Variants in SLC12A8 observed in about 807,000 individuals in gnomAD.
The protein encoded by SLC12A8 is cation-chloride cotransporter 9.
Under a neutral mutation model 75.6 loss-of-function variants are expected in SLC12A8, and 69 were observed. The observed-to-expected ratio is 0.91, with a 90% confidence interval of 0.75 to 1.11. The LOEUF is 1.11. Among genes scored for constraint, SLC12A8 ranks in the 50% most tolerant of loss-of-function variants. The pLI is 0.00. For missense variants in SLC12A8, 877 were observed against 896.7 expected (o/e 0.98, Z 0.28); for synonymous variants, 365 against 372.8 (o/e 0.98, Z 0.24).
intron 5 of SLC12A8, 107 bp downstream of exon 5, chr3:125,177,636 A>C (rs1441348986): frequency 2.4e-6 from 2 of 824,984 alleles, no homozygotes; most frequent in Non-Finnish European, 3.9e-6. Context: ...ATTGTAGGTA[A>C]AGCCTATGGG....
chr3:125,146,596 G>A (rs1291437822), intron 5 of SLC12A8, among the ~76,000 whole-genome samples: 1 of 152,158 alleles, frequency 6.6e-6, no homozygotes, highest in Non-Finnish European at 1.5e-5. Flanking sequence ...GTACAGATGT[G>A]GGAATAGAGG....
At chr3:125,114,488 G>C (rs576979712) in intron 8 of SLC12A8, among the ~76,000 whole-genome samples, 1 of 152,212 alleles carries the variant, frequency 6.6e-6, no homozygotes, top group Non-Finnish European at 1.5e-5. Context: ...GCAGTGGCAC[G>C]ATCTTGGCTC....
At chr3:125,173,151 C>A (rs142908543) in intron 5 of SLC12A8, among the ~76,000 whole-genome samples, 2,797 of 152,174 alleles carry the variant, frequency 0.018, 36 homozygotes, top group Non-Finnish European at 0.029. Context: ...TGTACTCCAG[C>A]CTGGGCAACA....
intron 10 of SLC12A8, among the ~76,000 whole-genome samples, chr3:125,105,751 AGGGTGT>A (rs1177781183): frequency 6.6e-6 from 1 of 152,182 alleles, no homozygotes; most frequent in Non-Finnish European, 1.5e-5. Context: ...AAATCCAGGC[AGGGTGT>A]GGTGGCTCAC....
At chr3:125,136,912 T>G (rs1025907324) in intron 5 of SLC12A8, among the ~76,000 whole-genome samples, 2 of 152,218 alleles carry the variant, frequency 1.3e-5, no homozygotes, top group African/African-American at 4.8e-5. Flanking sequence ...CCCAGGATAT[T>G]CAGCCTCTGC....
rs34985183 is a variant in SLC12A8, at chr3:125,187,318, G to A, written c.309C>T (p.Ser103=). ...AGGAGATCATGGAGTAGACGCCACC[G>A]CTGCCGATGCTGCTGCGCTCCCCGA... ...IGVGERSSIG[S]GGVYSMISSV... The change falls in exon 4 of 14, where the codon AGC becomes AGT. Residue 103 remains serine, a synonymous_variant. Coordinates refer to ENST00000469902, the MANE Select transcript of SLC12A8 (RefSeq NM_024628.6). The A allele has an allele frequency of 0.029, 46,041 of 1,614,134 alleles. 1,081 individuals carry two copies. The highest frequency in any genetic ancestry group is 0.095 in the Admixed American group (5,693 of 60,008).
At position 125,141,950 on chromosome 3, in the gene SLC12A8, AC is replaced by A. The variant is rs1933651697; in HGVS notation, c.623-6169del. On this transcript the variant is annotated intron_variant, in intron 5 of 13. Coordinates refer to ENST00000469902, the MANE Select transcript of SLC12A8 (RefSeq NM_024628.6). ...AGGCCGCTTCTGGGAAGGGACCCGC[AC>A]GACGACGCCCGAAGGGCGTCGGGGG... Among the ~76,000 whole-genome samples, 3 of 151,866 alleles carry A rather than the reference AC, an allele frequency of 2.0e-5. No homozygotes were observed. In the South Asian group the frequency reaches 6.3e-4, roughly 32 times the overall value.
chr3:125,135,416 C>G (rs759545447), intron 6 of SLC12A8, among the ~76,000 whole-genome samples: 1 of 152,144 alleles, frequency 6.6e-6, no homozygotes, highest in Non-Finnish European at 1.5e-5. Flanking sequence ...CTTCAGTAAA[C>G]TCTGTTAAAA....
intron 5 of SLC12A8, among the ~76,000 whole-genome samples, chr3:125,166,148 C>T (rs575972595): frequency 2.0e-5 from 3 of 152,296 alleles, no homozygotes; most frequent in African/African-American, 7.2e-5. Flanking sequence ...CCTGACCACA[C>T]CTCCGAGATC....
chr3:125,155,431 G>A (rs1322933867), intron 5 of SLC12A8, among the ~76,000 whole-genome samples: 1 of 152,028 alleles, frequency 6.6e-6, no homozygotes, highest in African/African-American at 2.4e-5. Flanking sequence ...AGATTCTGAT[G>A]CAGGAATTGA....
At chr3:125,163,585 C>T (rs1471703993) in intron 5 of SLC12A8, among the ~76,000 whole-genome samples, 25 of 140,602 alleles carry the variant, frequency 1.8e-4, no homozygotes, top group South Asian at 2.3e-4. Context: ...GGCAACAGAG[C>T]GAGACTCTGT....
intron 2 of SLC12A8, among the ~76,000 whole-genome samples, chr3:125,200,797 G>A (rs188040574): frequency 9.5e-4 from 145 of 152,326 alleles, no homozygotes; most frequent in African/African-American, 3.4e-3. Flanking sequence ...AAAGGAAAGT[G>A]ACTCAAAAGG....
At chr3:125,135,805 A>T (rs1386488560) in intron 5 of SLC12A8, 23 bp from the exon 6 acceptor site, 2 of 1,410,536 alleles carry the variant, frequency 1.4e-6, no homozygotes, top group East Asian at 4.6e-5. Context: ...AATGGAGAGC[A>T]ACGTAAGCCC....
chr3:125,113,870 T>C (rs962913983), intron 8 of SLC12A8, among the ~76,000 whole-genome samples: 4 of 152,170 alleles, frequency 2.6e-5, no homozygotes, highest in Non-Finnish European at 2.9e-5. Flanking sequence ...GCTTCGGTCA[T>C]TGAGGGACTC....
At chr3:125,150,980 A>G (rs1226622895) in intron 5 of SLC12A8, among the ~76,000 whole-genome samples, 1 of 152,116 alleles carries the variant, frequency 6.6e-6, no homozygotes, top group Admixed American at 6.6e-5. Flanking sequence ...ACACACACAC[A>G]CCAAGTTTCC....
In SLC12A8 at chr3:125,108,023, G is replaced by A; in HGVS notation, c.1163C>T (p.Thr388Ile). The A allele has an allele frequency of 6.2e-7, 1 of 1,614,166 alleles. No homozygotes were observed. Among genetic ancestry groups the A allele is most frequent in the Non-Finnish European group, 8.5e-7 (1 of 1,180,020 alleles). The change falls in exon 10 of 14, where the codon ACC becomes ATC. Residue 388 changes from threonine (T) to isoleucine (I), a missense_variant. Coordinates refer to ENST00000469902, the MANE Select transcript of SLC12A8 (RefSeq NM_024628.6). ...GQVNVLAPIV[T>I]INFMLTYVAV... The stretch of plus-strand genomic sequence containing the variant: ...AACGTATGTCAGCATGAAGTTGATG[G>A]TGACGATGGGGGCCAGAACGTTCAC...
intron 4 of SLC12A8, among the ~76,000 whole-genome samples, chr3:125,178,704 C>T (rs1934590553): frequency 6.6e-6 from 1 of 152,154 alleles, no homozygotes; most frequent in Admixed American, 6.5e-5. Context: ...TCTATCTAAC[C>T]CAGCAATCTT....
chr3:125,120,533 C>G, intron 7 of SLC12A8, 66 bp downstream of exon 7: 1 of 1,148,784 alleles, frequency 8.7e-7, no homozygotes. Flanking sequence ...AGGGGCAATC[C>G]CTCTTCTGCC....
chr3:125,117,258 C>A (rs2107748493), intron 8 of SLC12A8, among the ~76,000 whole-genome samples: 1 of 152,208 alleles, frequency 6.6e-6, no homozygotes, highest in Middle Eastern at 3.4e-3. Flanking sequence ...TTAAGACCAG[C>A]AGGGCTGCTT....
Sources: gnomAD v4.1 joint callset for allele counts (sites outside exome capture counted in the v4.1 genomes callset) on GRCh38, gnomAD v4.1.1 for gene constraint, MANE v1.5 for transcripts, NCBI Gene and HGNC (gene_info 2026-07-23, HGNC 2026-07-21) for gene names.